ING5: variants seen among roughly 807,000 people sequenced by gnomAD.
The protein encoded by ING5 is inhibitor of growth protein 5.
ING5 carries 17 observed loss-of-function variants against 37.4 expected under a neutral mutation model. That is an observed-to-expected ratio of 0.45 (90% confidence interval 0.31 to 0.68). The LOEUF is 0.68. Ranked by LOEUF, ING5 falls within the 30% of genes least tolerant of loss-of-function variation. The pLI, the probability that ING5 is intolerant of heterozygous loss-of-function variation, is 0.05. For missense variants in ING5, 233 were observed against 311.9 expected (o/e 0.75, Z 1.91); for synonymous variants, 123 against 116.6 (o/e 1.06, Z -0.36).
chr2:241,691,103 C>T (rs1289412210), intron 2 of ING5, among the ~76,000 whole-genome samples: 1 of 151,824 alleles, frequency 6.6e-6, no homozygotes. Flanking sequence ...AGCCAGCGCA[C>T]CCAGCCAGGT....
chr2:241,725,182 C>T lies in ING5; in HGVS notation c.*151C>T. 1 of 823,594 alleles carries T rather than the reference C, an allele frequency of 1.2e-6. No individual in the cohort carries two copies. 51.0% of individuals were successfully genotyped at this position (823,594 alleles called of 1,614,324 possible). The stretch of plus-strand genomic sequence containing the variant: ...CGCTGGATGTTTCCTAGAACAAGAA[C>T]CACCAAAGCCTGTTCGCACAGAAGG... On this transcript the variant is annotated 3_prime_UTR_variant, in exon 8 of 8. Coordinates refer to ENST00000313552, the MANE Select transcript of ING5 (RefSeq NM_032329.6).
upstream of ING5, among the ~76,000 whole-genome samples, chr2:241,699,005 GGC>G (rs1359673257): frequency 1.3e-5 from 2 of 149,456 alleles, no homozygotes; most frequent in African/African-American, 5.0e-5. Context: ...TGGGATTACA[GGC>G]GTGAGCCACC....
upstream of ING5, among the ~76,000 whole-genome samples, chr2:241,698,552 A>C (rs2069666435): frequency 1.3e-5 from 2 of 149,850 alleles, no homozygotes; most frequent in South Asian, 4.2e-4. Flanking sequence ...GGAGTATATG[A>C]GAAGTCTACT....
chr2:241,687,748 T>C (rs537602749), exon 1 of ING5: 21 of 160,488 alleles, frequency 1.3e-4, no homozygotes, highest in East Asian at 8.3e-4. Context: ...AGGATGGTCT[T>C]GATCTGACCT....
At chr2:241,707,584 AC>A (rs2069962228) in intron 2 of ING5, among the ~76,000 whole-genome samples, 1 of 151,918 alleles carries the variant, frequency 6.6e-6, no homozygotes, top group African/African-American at 2.4e-5. Context: ...TGAGTACCAC[AC>A]CCGGCCTGGG....
At chr2:241,712,197 C>T in intron 5 of ING5, 126 bp downstream of exon 5, 1 of 778,004 alleles carries the variant, frequency 1.3e-6, no homozygotes, top group East Asian at 2.8e-5. Flanking sequence ...TATTCTGATT[C>T]TTACGCTGCG....
upstream of ING5, among the ~76,000 whole-genome samples, chr2:241,700,119 A>G (rs961437497): frequency 9.1e-5 from 13 of 142,634 alleles, no homozygotes; most frequent in African/African-American, 3.4e-4. Flanking sequence ...GGTAGCTGGG[A>G]TTACAGGCAC....
intron 5 of ING5, among the ~76,000 whole-genome samples, chr2:241,716,415 C>T (rs529633552): frequency 1.3e-5 from 2 of 149,360 alleles, no homozygotes; most frequent in Admixed American, 6.8e-5. Context: ...GCCTCAGCCT[C>T]CGCAGTAGCT....
chr2:241,705,742 G>A (rs993080079), intron 2 of ING5, among the ~76,000 whole-genome samples: 2 of 152,078 alleles, frequency 1.3e-5, no homozygotes, highest in Admixed American at 6.6e-5. Context: ...TGTTTTTGTT[G>A]CTGTTTCTTA....
In ING5 at chr2:241,709,125, C is replaced by G. The variant is rs774436825; in HGVS notation, c.110-91C>G. ...ATGTCAGCCTACATCTTTGCCACAA[C>G]TTGGCGTTGGCTGACTTTAGTTGTT... On this transcript the variant is annotated intron_variant, in intron 2 of 7. Transcript: ENST00000313552. The G allele has an allele frequency of 4.3e-6, 6 of 1,379,608 alleles. No individual in the cohort carries two copies. The Admixed American group carries it at 8.3e-5, about 19-fold the overall frequency. The allele number at this position is 1,379,608 out of a possible 1,614,324, so 85.5% of individuals were successfully genotyped here. A position where few individuals can be genotyped will look rare whatever the true frequency, so the allele number is the denominator to read the frequency against.
At position 241,726,822 on chromosome 2, in the gene ING5, T is replaced by A. The variant is rs1691638982; in HGVS notation, c.*1791T>A. On this transcript the variant is annotated 3_prime_UTR_variant, in exon 8 of 8. Coordinates refer to ENST00000313552, the MANE Select transcript of ING5 (RefSeq NM_032329.6). ...GTTAATTTTTTTTTTTGAGACGGAG[T>A]CTTGCTCTGTCACCCAGGCTGGAGA... 1.3e-5 allele frequency: 2 copies of A among 151,518 alleles called. 1 individual carries two copies. The highest frequency in any genetic ancestry group is 3.9e-4 in the East Asian group (2 of 5,164). The allele number at this position is 151,518 out of a possible 1,614,324, so 9.4% of individuals were successfully genotyped here.
chr2:241,690,262 T>C, exon 2 of ING5: 1 of 211,790 alleles, frequency 4.7e-6, no homozygotes, highest in Non-Finnish European at 9.4e-6. Context: ...TGCTTTTGCC[T>C]ATTCCAGCAT....
At chr2:241,704,818 C>A (rs1212945334) in intron 2 of ING5, 94 bp downstream of exon 2, 5 of 1,048,060 alleles carry the variant, frequency 4.8e-6, no homozygotes, top group Non-Finnish European at 7.5e-6. Context: ...TTTGAGGGGA[C>A]CCAGGTTAGT....
chr2:241,721,387 G>A, intron 5 of ING5: 1 of 985,496 alleles, frequency 1.0e-6, no homozygotes, highest in South Asian at 4.7e-5. Context: ...CCCAGACAGA[G>A]AGAAAGAGCA....
intron 5 of ING5, among the ~76,000 whole-genome samples, chr2:241,718,375 C>CCCTCCCTCCCTTCCTT (rs2070335875): frequency 7.4e-6 from 1 of 135,614 alleles, no homozygotes; most frequent in Non-Finnish European, 1.6e-5. Context: ...CTCCCTTCCT[C>CCCTCCCTCCCTTCCTT]CCTCCCTCCC....
intron 2 of ING5, among the ~76,000 whole-genome samples, chr2:241,707,756 C>T (rs1337827135): frequency 6.6e-6 from 1 of 152,202 alleles, no homozygotes; most frequent in African/African-American, 2.4e-5. Flanking sequence ...AGGTGAACCT[C>T]TCTGTTGTCT....
chr2:241,720,441 C>T, intron 5 of ING5: 1 of 1,068,610 alleles, frequency 9.4e-7, no homozygotes, highest in Non-Finnish European at 1.1e-6. Context: ...ATGCAGTGTT[C>T]CTAGACTGCA....
rs1133811 is a variant in ING5, at chr2:241,725,905, A to G, written c.*874A>G. 98,954 of 152,546 alleles carry G rather than the reference A, an allele frequency of 0.65. 33,628 individuals are homozygous for G. The highest frequency in any genetic ancestry group is 0.86 in the African/African-American group (35,529 of 41,508). The allele number at this position is 152,546 out of a possible 1,614,324, so 9.4% of individuals were successfully genotyped here. A position where few individuals can be genotyped will look rare whatever the true frequency, so the allele number is the denominator to read the frequency against. ...GCTTCTGCCTGTGCTGTGCATTCCC[A>G]GGCCCGCAGCTCCCGGTCGAGGGGA... On this transcript the variant is annotated 3_prime_UTR_variant, in exon 8 of 8. Transcript: ENST00000313552.
chr2:241,723,885 C>G, intron 7 of ING5: 1 of 1,428,854 alleles, frequency 7.0e-7, no homozygotes, highest in Non-Finnish European at 9.7e-7. Context: ...TGGTGCGTGC[C>G]TGTGGTCCCA....
Sources: allele counts gnomAD v4.1 joint callset (sites outside exome capture counted in the v4.1 genomes callset), GRCh38; gene constraint gnomAD v4.1.1; transcripts MANE v1.5; gene names NCBI Gene and HGNC (gene_info 2026-07-23, HGNC 2026-07-21).